Variants in CNNM3 observed in about 807,000 individuals in gnomAD.
CNNM3 encodes the protein cyclin and CBS domain divalent metal cation transport mediator 3.
CNNM3 carries 47 observed loss-of-function variants against 57.1 expected under a neutral mutation model. The ratio of observed to expected loss-of-function variants is 0.82; its 90% CI spans 0.65 to 1.05. The LOEUF is 1.05. Among genes scored for constraint, CNNM3 ranks in the 50% least tolerant of loss-of-function variants. The pLI, the probability that CNNM3 is intolerant of heterozygous loss-of-function variation, is 0.00. For synonymous variants in CNNM3, 507 were observed against 478.2 expected, an observed-to-expected ratio of 1.06 and a Z score of -0.79; for missense variants, 957 against 973.7, an observed-to-expected ratio of 0.98 and a Z score of 0.23.
In CNNM3 at chr2:96,816,348, C is replaced by T; in HGVS notation, c.71C>T (p.Ala24Val). ...GCCGCGCTCTGCCTGGGCAACGCCGCGGGGGAGGCCGCGCCGGGCCCGCGA... is the reference window on the plus strand; with the variant it reads ...GCCGCGCTCTGCCTGGGCAACGCCGTGGGGGAGGCCGCGCCGGGCCCGCGA... ...LFAALCLGNA[A>V]GEAAPGPRVL... Residue 24 changes from alanine to valine, a missense_variant, in exon 1 of 8, where the codon GCG (alanine) becomes GTG (valine). Coordinates refer to ENST00000305510, the MANE Select transcript of CNNM3 (RefSeq NM_017623.5). 7.7e-7 allele frequency: 1 copy of T among 1,291,702 alleles called. No individual in the cohort carries two copies. The highest frequency in any genetic ancestry group is 9.8e-7 in the Non-Finnish European group (1 of 1,019,372). 80.0% of individuals were successfully genotyped at this position (1,291,702 alleles called of 1,614,324 possible).
chr2:96,829,313 G>A (rs1161508930), intron 7 of CNNM3, 179 bp downstream of exon 7: 3 of 666,858 alleles, frequency 4.5e-6, no homozygotes, highest in Admixed American at 1.4e-4. Context: ...TTTTTTTTGA[G>A]ATGGAGTCTT....
rs929335509 is a variant in CNNM3, at chr2:96,833,102, A to T, written c.*486A>T. 2.1e-6 allele frequency: 2 copies of T among 960,374 alleles called. No individual in the cohort carries two copies. Among genetic ancestry groups the T allele is most frequent in the East Asian group, 6.1e-5 (1 of 16,484 alleles). 59.5% of individuals were successfully genotyped at this position (960,374 alleles called of 1,614,324 possible). A position where few individuals can be genotyped will look rare whatever the true frequency, so the allele number is the denominator to read the frequency against. ...GCACCCATTTTGGCTGGGGGTTCAG[A>T]TCGATGGCCTTGTCCATGTTGTCCT... is the stretch of plus-strand genomic sequence containing the variant. On this transcript the variant is annotated 3_prime_UTR_variant, in exon 8 of 8. Coordinates refer to ENST00000305510, the MANE Select transcript of CNNM3 (RefSeq NM_017623.5).
chr2:96,828,388 C>T (rs2153355651), intron 5 of CNNM3, 179 bp from the exon 6 acceptor site: 1 of 880,850 alleles, frequency 1.1e-6, no homozygotes, highest in East Asian at 2.6e-5. Context: ...GTGGCCCACT[C>T]CACCCCTGCA....
chr2:96,816,805 G>A lies in CNNM3; in HGVS notation c.528G>A (p.Ala176=). The change falls in exon 1 of 8, where the codon GCG becomes GCA. Residue 176 remains alanine, a synonymous_variant. Transcript: ENST00000305510. Reference sequence around the variant, plus strand: ...TGCTGCGCGAGAGCGGCTCGGAGGCGGAGCGTGCGGCGGCGCGGCGTTTGG... The same window carrying A: ...TGCTGCGCGAGAGCGGCTCGGAGGCAGAGCGTGCGGCGGCGCGGCGTTTGG... ...VQVLRESGSE[A]ERAAARRLEP... 1 of 1,026,984 alleles carries A rather than the reference G, an allele frequency of 9.7e-7. No individual in the cohort carries two copies. The highest frequency in any genetic ancestry group is 1.2e-6 in the Non-Finnish European group (1 of 859,840). 63.6% of individuals were successfully genotyped at this position (1,026,984 alleles called of 1,614,324 possible). A position where few individuals can be genotyped will look rare whatever the true frequency, so the allele number is the denominator to read the frequency against.
In CNNM3 at chr2:96,829,055, G is replaced by A. The variant is rs1290336953; in HGVS notation, c.1980G>A (p.Gln660=). The part of the protein sequence containing the change: ...LLATRAQNLP[Q]SPENTDLQVI... ...CTACCCGAGCCCAGAACCTGCCACA[G>A]TCCCCTGAGAACACCGACCTGCAGG... The change falls in exon 7 of 8, where the codon CAG becomes CAA. Residue 660 remains glutamine (Q), a synonymous_variant. Transcript: ENST00000305510. 1.2e-6 allele frequency: 2 copies of A among 1,613,984 alleles called. No homozygotes were observed. Among genetic ancestry groups the A allele is most frequent in the South Asian group, 1.1e-5 (1 of 91,088 alleles).
chr2:96,829,156 G>T (rs756457541), intron 7 of CNNM3, 22 bp downstream of exon 7: 1 of 1,611,744 alleles, frequency 6.2e-7, no homozygotes, highest in Admixed American at 1.7e-5. Flanking sequence ...GTGGTACATC[G>T]TGCATGGTGT....
chr2:96,832,571 C>T lies in CNNM3; in HGVS notation c.2079C>T (p.Pro693=), dbSNP rs766696250. The part of the protein sequence containing the change: ...TTAAGSSHSR[P]GVPVEGSPGR... ...CTGTAGGGTCCAGCCACAGCAGGCCCGGCGTCCCGGTGGAAGGCAGCCCTG... is the reference window on the plus strand; with the variant it reads ...CTGTAGGGTCCAGCCACAGCAGGCCTGGCGTCCCGGTGGAAGGCAGCCCTG... The change falls in exon 8 of 8, where the codon CCC becomes CCT. Residue 693 remains proline (P), a synonymous_variant. Coordinates refer to ENST00000305510, the MANE Select transcript of CNNM3 (RefSeq NM_017623.5). The T allele has an allele frequency of 4.3e-6, 7 of 1,614,178 alleles. No homozygotes were observed. The highest frequency in any genetic ancestry group is 1.1e-5 in the South Asian group (1 of 91,084).
Position 96,816,992 on chromosome 2 carries a change from G to A in CNNM3, c.715G>A (p.Val239Met). 1 of 1,365,024 alleles carries A rather than the reference G, an allele frequency of 7.3e-7. No individual in the cohort carries two copies. Among genetic ancestry groups the A allele is most frequent in the Non-Finnish European group, 9.5e-7 (1 of 1,053,046 alleles). The allele number at this position is 1,365,024 out of a possible 1,614,324, so 84.6% of individuals were successfully genotyped here. Residue 239 changes from valine (V) to methionine (M), a missense_variant, in exon 1 of 8, where the codon GTG becomes ATG. Val to Met is a conservative substitution (Grantham distance 21, BLOSUM62 1). Around this residue, in one of 2 missense-constraint regions of CNNM3, gnomAD observed 466 missense variants for 403.1 expected, o/e 1.16. Coordinates refer to ENST00000305510, the MANE Select transcript of CNNM3 (RefSeq NM_017623.5). ...GCTCGTGTTCCTGGTGGGAGAGGTG[G>A]TGCCGGCCGCCGTGAGCGGGCGCTG... ...AGLVFLVGEV[V>M]PAAVSGRWTL...
At chr2:96,817,644 T>C in intron 1 of CNNM3, 142 bp downstream of exon 1, 1 of 774,846 alleles carries the variant, frequency 1.3e-6, no homozygotes, top group Non-Finnish European at 2.1e-6. Flanking sequence ...TTCAAGACGG[T>C]ATTGGCCTTG....
At chr2:96,836,098 T>TC (rs1290271942), downstream of CNNM3, among the ~76,000 whole-genome samples, 2 of 148,916 alleles carry the variant, frequency 1.3e-5, no homozygotes, top group African/African-American at 5.0e-5. Flanking sequence ...CTTTTTTTTT[T>TC]CCTGAGACAG....
downstream of CNNM3, among the ~76,000 whole-genome samples, chr2:96,835,923 G>A (rs1290958393): frequency 1.3e-5 from 2 of 152,120 alleles, no homozygotes; most frequent in Non-Finnish European, 1.5e-5. Context: ...ATTTCCCAGT[G>A]GTGGACACCT....
At position 96,828,119 on chromosome 2, in the gene CNNM3, C is replaced by T. The variant is rs148258695; in HGVS notation, c.1710C>T (p.Ile570=). The change falls in exon 5 of 8, where the codon ATC becomes ATT. Residue 570 remains isoleucine (I), a synonymous_variant. Coordinates refer to ENST00000305510, the MANE Select transcript of CNNM3 (RefSeq NM_017623.5). The stretch of plus-strand genomic sequence containing the variant: ...CCCAGGGCAGGGTTGAAGTGGAGAT[C>T]GGGAAAGAGGGTCTGAAGTTTGAGA... ...LILQGRVEVE[I]GKEGLKFENG... The T allele has an allele frequency of 2.0e-5, 33 of 1,613,998 alleles. No homozygotes were observed. The highest frequency in any genetic ancestry group is 2.5e-5 in the Non-Finnish European group (30 of 1,180,006).
intron 7 of CNNM3, 102 bp from the exon 8 acceptor site, chr2:96,832,450 G>C: frequency 1.9e-6 from 3 of 1,581,656 alleles, no homozygotes; most frequent in Non-Finnish European, 2.6e-6. Flanking sequence ...CGAAGCACCT[G>C]TCTTAGCTGC....
chr2:96,832,008 A>G, intron 7 of CNNM3: 2 of 986,394 alleles, frequency 2.0e-6, no homozygotes, highest in Non-Finnish European at 2.4e-6. Context: ...ACAGTTGGAA[A>G]CTGCAGTTGA....
At chr2:96,823,387 CAT>C (rs1161098633) in intron 1 of CNNM3, among the ~76,000 whole-genome samples, 2 of 152,204 alleles carry the variant, frequency 1.3e-5, no homozygotes, top group Admixed American at 6.5e-5. Flanking sequence ...ACCAAAACCA[CAT>C]GTCGCACTTG....
intron 7 of CNNM3, chr2:96,832,155 T>TG (rs2079614305): frequency 4.9e-6 from 5 of 1,012,436 alleles, no homozygotes; most frequent in South Asian, 4.0e-5. Flanking sequence ...CTCCCCAGGC[T>TG]GGGGGGCATT....
intron 7 of CNNM3, chr2:96,831,932 T>C: frequency 1.0e-6 from 1 of 972,422 alleles, no homozygotes; most frequent in Non-Finnish European, 1.2e-6. Context: ...TTCTGCTCAA[T>C]AGCTTCTCCT....
Position 96,817,057 on chromosome 2 carries a change from C to T in CNNM3, c.780C>T (p.Arg260=). The change falls in exon 1 of 8, where the codon CGC becomes CGT. Residue 260 remains arginine, a synonymous_variant. Transcript: ENST00000305510. ...CGCCGCGAGCGCTCGGCCTCAGCCG[C>T]CTGGCCGTCCTGCTCACTCTGCCCG... ...ALAPRALGLS[R]LAVLLTLPVA... 7.3e-7 allele frequency: 1 copy of T among 1,366,764 alleles called. No individual in the cohort carries two copies. Among genetic ancestry groups the T allele is most frequent in the Non-Finnish European group, 9.4e-7 (1 of 1,060,752 alleles). The allele number at this position is 1,366,764 out of a possible 1,614,324, so 84.7% of individuals were successfully genotyped here.
At position 96,834,330 on chromosome 2, in the gene CNNM3, T is replaced by TTTTTTA. The variant is rs1553484169; in HGVS notation, c.*1716_*1717insTTTATT. On this transcript the variant is annotated 3_prime_UTR_variant, in exon 8 of 8. Coordinates refer to ENST00000305510, the MANE Select transcript of CNNM3 (RefSeq NM_017623.5). The stretch of plus-strand genomic sequence containing the variant: ...ATCAGAGTTTTCAATTTTTTATTTA[T>TTTTTTA]TTATTATTATTATTATTATTATTAT... Among the ~76,000 whole-genome samples, 1 of 146,440 alleles carries TTTTTTA rather than the reference T, an allele frequency of 6.8e-6. No homozygotes were observed. Among genetic ancestry groups the TTTTTTA allele is most frequent in the African/African-American group, 2.6e-5 (1 of 38,986 alleles).
Sources: allele counts gnomAD v4.1 joint callset (sites outside exome capture counted in the v4.1 genomes callset), GRCh38; gene constraint gnomAD v4.1.1; regional missense constraint gnomAD v4.1.1; transcripts MANE v1.5; gene names NCBI Gene and HGNC (gene_info 2026-07-23, HGNC 2026-07-21).